Variants in AMPD3 observed in about 807,000 individuals in gnomAD.
The protein encoded by AMPD3 is adenosine monophosphate deaminase 3, also known as AMP deaminase 3.
A neutral mutation model predicts 82.3 loss-of-function variants in AMPD3; 57 were observed. The ratio of observed to expected loss-of-function variants is 0.69; its 90% CI spans 0.56 to 0.86. The LOEUF (loss-of-function observed/expected upper bound fraction) is 0.86. Ranked by LOEUF, AMPD3 falls within the 40% of genes least tolerant of loss-of-function variation. The pLI is 0.00. For missense variants in AMPD3, 870 were observed against 1,003.8 expected (o/e 0.87, Z 1.80); for synonymous variants, 381 against 394.7 (o/e 0.97, Z 0.41).
Position 10,505,977 on chromosome 11 carries a change from T to TTCACAGAGGAAA in AMPD3, c.*93_*94insTCACAGAGGAAA. ...AAGATTCCGAACTAGGACTTTCCTCTGTGAAGAGGATGCCTCTGAAGAAAT... is the reference window on the plus strand; with the variant it reads ...AAGATTCCGAACTAGGACTTTCCTCTTCACAGAGGAAAGTGAAGAGGATGCCTCTGAAGAAAT... On this transcript the variant is annotated 3_prime_UTR_variant, in exon 15 of 15. Transcript: ENST00000396553. The TTCACAGAGGAAA allele has an allele frequency of 2.0e-6, 3 of 1,472,432 alleles. No individual in the cohort carries two copies. Among genetic ancestry groups the TTCACAGAGGAAA allele is most frequent in the Non-Finnish European group, 1.9e-6 (2 of 1,060,614 alleles). 91.2% of individuals were successfully genotyped at this position (1,472,432 alleles called of 1,614,324 possible).
At position 10,482,157 on chromosome 11, in the gene AMPD3, C is replaced by G; in HGVS notation, c.521C>G (p.Pro174Arg). ...GCGCGGCTCGCCTACCACCGCTTCCCGCGGATCACATCCCAGTACCTGGGT... is the reference window on the plus strand; with the variant it reads ...GCGCGGCTCGCCTACCACCGCTTCCGGCGGATCACATCCCAGTACCTGGGT... ...KYARLAYHRF[P>R]RITSQYLGHP... is the part of the protein sequence containing the mutation. Residue 174 changes from proline (P) to arginine (R), a missense_variant, in exon 4 of 15, where the codon CCG (proline) becomes CGG (arginine). Pro to Arg is a moderately radical substitution (Grantham distance 103). Coordinates refer to ENST00000396553, the MANE Select transcript of AMPD3 (RefSeq NM_001025389.2). 6.2e-7 allele frequency: 1 copy of G among 1,614,020 alleles called. No individual in the cohort carries two copies. Among genetic ancestry groups the G allele is most frequent in the Non-Finnish European group, 8.5e-7 (1 of 1,180,026 alleles).
chr11:10,505,238 C>T (rs1024661172), intron 14 of AMPD3: 2 of 985,350 alleles, frequency 2.0e-6, no homozygotes, highest in Non-Finnish European at 2.4e-6. Context: ...GGTGATGTCA[C>T]TGGTTGGGAA....
intron 2 of AMPD3, among the ~76,000 whole-genome samples, chr11:10,463,674 G>A (rs894127080): frequency 6.6e-6 from 1 of 152,214 alleles, no homozygotes; most frequent in African/African-American, 2.4e-5. Context: ...CTGCTGAAGC[G>A]ACTGTGCTCT....
rs566332048 is a variant in AMPD3 at position 10,457,425 on chromosome 11, G to A, written c.-6+1977G>A. On this transcript the variant is annotated intron_variant, in intron 1 of 14. Transcript: ENST00000396553. The stretch of plus-strand genomic sequence containing the variant: ...ATGAGCCTTATGAATGTGAGTTGAG[G>A]GGCTGTGGAATGCAACATCTCCCAA... 2.0e-5 allele frequency among the ~76,000 whole-genome samples: 3 copies of A among 152,140 alleles called. No individual in the cohort carries two copies. The South Asian group carries it at 6.2e-4, about 32-fold the overall frequency.
chr11:10,493,757 G>T (rs1297507086), intron 7 of AMPD3: 5 of 638,736 alleles, frequency 7.8e-6, no homozygotes, highest in African/African-American at 7.2e-5. Flanking sequence ...GGCCTGACAG[G>T]TCTAAGCACT....
At position 10,502,739 on chromosome 11, in the gene AMPD3, C is replaced by T. The variant is rs749978382; in HGVS notation, c.1861C>T (p.Leu621Phe). The change falls in exon 13 of 15, where the codon CTC (leucine) becomes TTC (phenylalanine). Residue 621 changes from leucine to phenylalanine, a missense_variant. Leu to Phe is a conservative substitution (Grantham distance 22). Transcript: ENST00000396553. Reference sequence around the variant, plus strand: ...TTTGCAGAGTCCGGTATTGCAGTATCTCTACTACCTTGCTCAGATCCCCAT... The same window carrying T: ...TTTGCAGAGTCCGGTATTGCAGTATTTCTACTACCTTGCTCAGATCCCCAT... Reference protein sequence around the residue: ...LLKKSPVLQYLYYLAQIPIAM... With the variant: ...LLKKSPVLQYFYYLAQIPIAM... 1 of 1,614,214 alleles carries T rather than the reference C, an allele frequency of 6.2e-7. No homozygotes were observed. The highest frequency in any genetic ancestry group is 2.2e-5 in the East Asian group (1 of 44,886).
rs1849711561 is a variant in AMPD3 at position 10,506,205 on chromosome 11, T to C, written c.*321T>C. 3 of 372,872 alleles carry C rather than the reference T, an allele frequency of 8.0e-6. No individual in the cohort carries two copies. The highest frequency in any genetic ancestry group is 2.1e-5 in the African/African-American group (1 of 48,076). The allele number at this position is 372,872 out of a possible 1,614,324, so 23.1% of individuals were successfully genotyped here. On this transcript the variant is annotated 3_prime_UTR_variant, in exon 15 of 15. Transcript: ENST00000396553. The surrounding 1 kb of genome is among the most constrained non-coding windows in gnomAD (Gnocchi z 4.1). ...GGGGCCAGGATTTTCCCTGGTCAGATGCCAAGTAACATGTGGTTTTCTGCC... is the reference window on the plus strand; with the variant it reads ...GGGGCCAGGATTTTCCCTGGTCAGACGCCAAGTAACATGTGGTTTTCTGCC...
chr11:10,485,529 G>A (rs1016367392), intron 5 of AMPD3, among the ~76,000 whole-genome samples: 6 of 152,138 alleles, frequency 3.9e-5, no homozygotes, highest in Non-Finnish European at 8.8e-5. Context: ...ACAAGTGTAA[G>A]CCACTGTGAC....
chr11:10,501,232 G>C, intron 11 of AMPD3: 1 of 985,308 alleles, frequency 1.0e-6, no homozygotes, highest in Non-Finnish European at 1.2e-6. Context: ...GCACAGCAGG[G>C]TCTCTTTCTA....
chr11:10,478,186 C>A (rs1848795049), intron 2 of AMPD3: 7 of 985,258 alleles, frequency 7.1e-6, no homozygotes, highest in South Asian at 9.4e-5. Flanking sequence ...TATTGTCCTC[C>A]CCTCTAGTGC....
At chr11:10,493,721 A>T (rs1440590308) in intron 7 of AMPD3, 178 bp downstream of exon 7, 1 of 756,914 alleles carries the variant, frequency 1.3e-6, no homozygotes, top group East Asian at 2.7e-5. Context: ...CAGCCATGGG[A>T]CAGGGAAAGA....
chr11:10,450,643 G>A, upstream of AMPD3: 2 of 1,005,712 alleles, frequency 2.0e-6, no homozygotes, highest in Non-Finnish European at 2.4e-6. Context: ...GAGGCGGCGG[G>A]TGCTTCCGGC....
At chr11:10,500,625 A>G in intron 11 of AMPD3, 1 of 985,458 alleles carries the variant, frequency 1.0e-6, no homozygotes, top group African/African-American at 1.7e-5. Flanking sequence ...GCTATCACAC[A>G]TGCACGGTCA....
At chr11:10,478,994 T>C (rs1848824622) in intron 3 of AMPD3, among the ~76,000 whole-genome samples, 1 of 152,020 alleles carries the variant, frequency 6.6e-6, no homozygotes, top group Non-Finnish European at 1.5e-5. Flanking sequence ...GTTCCACATG[T>C]TCTCTAAGTC....
At chr11:10,477,080 G>T in intron 2 of AMPD3, 1 of 985,468 alleles carries the variant, frequency 1.0e-6, no homozygotes, top group Non-Finnish European at 1.2e-6. Context: ...CACGGGAGGA[G>T]AACTGTGGTT....
At chr11:10,469,130 A>C (rs1028362890) in intron 2 of AMPD3, among the ~76,000 whole-genome samples, 1 of 152,216 alleles carries the variant, frequency 6.6e-6, no homozygotes, top group African/African-American at 2.4e-5. Flanking sequence ...GAAGACAAGA[A>C]ATAACTAAGA....
intron 13 of AMPD3, 51 bp downstream of exon 13, chr11:10,502,945 G>A (rs1327973863): frequency 6.3e-7 from 1 of 1,590,682 alleles, no homozygotes; most frequent in Admixed American, 1.7e-5. Context: ...ACCAGTCCTA[G>A]CCTGTCCTCC....
intron 6 of AMPD3, chr11:10,490,611 C>A (rs11042848): frequency 0.078 from 76,840 of 985,088 alleles, 3,290 homozygotes; most frequent in Non-Finnish European, 0.086. Flanking sequence ...AAAATAATCA[C>A]CCTTGAGTTC....
rs186941892 is a variant in AMPD3, at chr11:10,478,882, A to C, written c.426+152A>C. On this transcript the variant is annotated intron_variant, in intron 3 of 14. Transcript: ENST00000396553. ...AGGCACAGGAGACAAGGAGGGCCCT[A>C]GCAGAGGTTGTGGGGTGTGGGTGTG... The C allele has an allele frequency of 2.0e-4, 185 of 915,888 alleles. No individual in the cohort carries two copies. The African/African-American group carries it at 2.8e-3, about 14-fold the overall frequency. The allele number at this position is 915,888 out of a possible 1,614,324, so 56.7% of individuals were successfully genotyped here.
Sources: gnomAD v4.1 joint callset for allele counts (sites outside exome capture counted in the v4.1 genomes callset) on GRCh38, gnomAD v4.1.1 for gene constraint, Gnocchi (gnomAD v3.1) non-coding constraint, MANE v1.5 for transcripts, NCBI Gene and HGNC (gene_info 2026-07-23, HGNC 2026-07-21) for gene names.